The following ITGA9 variants were observed in gnomAD, a reference collection of about 807,000 sequenced individuals.
The protein encoded by ITGA9 is integrin alpha-9.
A neutral mutation model predicts 127.8 loss-of-function variants in ITGA9; 56 were observed. The ratio of observed to expected loss-of-function variants is 0.44; its 90% CI spans 0.35 to 0.55. The LOEUF is 0.55. ITGA9 is among the 20% of genes least tolerant of loss of function. ITGA9 has a pLI of 0.00. For missense variants in ITGA9, 1,196 were observed against 1,347.1 expected, an observed-to-expected ratio of 0.89 and a Z score of 1.76; for synonymous variants, 508 against 514.5, an observed-to-expected ratio of 0.99 and a Z score of 0.17.
chr3:37,584,623 C>G (rs1456903107), intron 15 of ITGA9, among the ~76,000 whole-genome samples: 1 of 152,012 alleles, frequency 6.6e-6, no homozygotes, highest in African/African-American at 2.4e-5. Context: ...GGCATGGTGG[C>G]ATGTATCTGT....
chr3:37,708,833 A>G (rs964158223), intron 18 of ITGA9, among the ~76,000 whole-genome samples: 15 of 152,222 alleles, frequency 9.9e-5, no homozygotes, highest in Non-Finnish European at 1.9e-4. Flanking sequence ...TCACTGTGCT[A>G]GTATCCCTCT....
intron 17 of ITGA9, among the ~76,000 whole-genome samples, chr3:37,667,111 G>A (rs575224473): frequency 6.6e-6 from 1 of 152,156 alleles, no homozygotes; most frequent in Non-Finnish European, 1.5e-5. Context: ...CAGGGACATG[G>A]ATGATATCTC....
chr3:37,524,355 T>G (rs1699072431), intron 12 of ITGA9, among the ~76,000 whole-genome samples: 1 of 152,256 alleles, frequency 6.6e-6, no homozygotes, highest in Non-Finnish European at 1.5e-5. Flanking sequence ...GTCATCTTGC[T>G]TTTGAGAAAT....
intron 27 of ITGA9, among the ~76,000 whole-genome samples, chr3:37,810,912 C>T (rs1385890324): frequency 6.6e-6 from 1 of 152,254 alleles, no homozygotes. Context: ...GAGCTCCAGG[C>T]TCCCTGCTGA....
intron 3 of ITGA9, among the ~76,000 whole-genome samples, chr3:37,478,398 A>T (rs1698516857): frequency 6.6e-6 from 1 of 152,256 alleles, no homozygotes; most frequent in Non-Finnish European, 1.5e-5. Context: ...TCCATACAAC[A>T]AAAAAGGCCT....
At chr3:37,632,772 A>C (rs1007208147) in intron 16 of ITGA9, among the ~76,000 whole-genome samples, 2 of 152,226 alleles carry the variant, frequency 1.3e-5, no homozygotes, top group African/African-American at 4.8e-5. Flanking sequence ...CAGACTGAGT[A>C]GTCCATTAGA....
chr3:37,803,931 C>A lies in ITGA9; in HGVS notation c.2998C>A (p.Leu1000Met). The change falls in exon 27 of 28, where the codon CTG (leucine) becomes ATG (methionine). Residue 1000 changes from leucine to methionine, a missense_variant. By Grantham distance (15) the Leu-to-Met change is conservative. Transcript: ENST00000264741. The part of the protein sequence containing the change: ...GILIFLLLAV[L>M]LWKMGFFRRR... ...CCTCATCTTCCTGCTGCTGGCCGTG[C>A]TGCTCTGGAAGGTGAGTCTGGTGAT... The A allele has an allele frequency of 6.2e-7, 1 of 1,614,154 alleles. No individual in the cohort carries two copies. The highest frequency in any genetic ancestry group is 8.5e-7 in the Non-Finnish European group (1 of 1,180,012).
At chr3:37,703,519 C>T (rs1021430345) in intron 18 of ITGA9, among the ~76,000 whole-genome samples, 14 of 152,148 alleles carry the variant, frequency 9.2e-5, no homozygotes, top group Non-Finnish European at 1.9e-4. Flanking sequence ...TATTGTGTAT[C>T]ATTCTTTAAA....
chr3:37,626,598 T>A (rs1700178132), intron 15 of ITGA9, among the ~76,000 whole-genome samples: 1 of 152,222 alleles, frequency 6.6e-6, no homozygotes, highest in African/African-American at 2.4e-5. Context: ...GCAGGAAGAT[T>A]GCTTGAGCTT....
chr3:37,802,953 C>T (rs1697251956), intron 26 of ITGA9, among the ~76,000 whole-genome samples: 1 of 152,194 alleles, frequency 6.6e-6, no homozygotes, highest in Non-Finnish European at 1.5e-5. Flanking sequence ...CTGTGGCTCC[C>T]ATGGGAAACT....
chr3:37,683,782 C>CCCACCTT, intron 17 of ITGA9, 83 bp from the exon 18 acceptor site: 1 of 1,433,294 alleles, frequency 7.0e-7, no homozygotes, highest in African/African-American at 1.4e-5. Context: ...GGTTTCTGCC[C>CCCACCTT]CCCACCTTCA....
In ITGA9 at chr3:37,630,180, T is replaced by C. The variant is rs554438221; in HGVS notation, c.1839+844T>C. ...AACTAGCAGATTGTGACCCATGCCT[T>C]GTAGATTAGAGTTGTAGACTGAACC... On this transcript the variant is annotated intron_variant, in intron 16 of 27. Transcript: ENST00000264741. 1.8e-3 allele frequency among the ~76,000 whole-genome samples: 274 copies of C among 152,170 alleles called. 1 individual carries two copies. The highest frequency in any genetic ancestry group is 3.4e-3 in the Middle Eastern group (1 of 294).
At chr3:37,809,190 AT>A (rs1454348983) in intron 27 of ITGA9, among the ~76,000 whole-genome samples, 1 of 149,870 alleles carries the variant, frequency 6.7e-6, no homozygotes, top group East Asian at 2.0e-4. Flanking sequence ...GGTTCAAGAG[AT>A]TCTCCTACCT....
chr3:37,471,728 A>G (rs192227502), intron 2 of ITGA9, among the ~76,000 whole-genome samples: 1 of 152,292 alleles, frequency 6.6e-6, no homozygotes, highest in Admixed American at 6.5e-5. Context: ...CATTTTAACT[A>G]GGGAAAGATA....
chr3:37,736,038 A>G (rs1004471175), intron 19 of ITGA9, among the ~76,000 whole-genome samples: 1 of 152,172 alleles, frequency 6.6e-6, no homozygotes, highest in South Asian at 2.1e-4. Context: ...AACCTTCTCT[A>G]TGTGTGCCCA....
At chr3:37,475,555 T>C (rs1209619203) in intron 3 of ITGA9, among the ~76,000 whole-genome samples, 2 of 152,224 alleles carry the variant, frequency 1.3e-5, no homozygotes, top group Non-Finnish European at 2.9e-5. Flanking sequence ...TTGTGGATAA[T>C]GGTGCCATGG....
chr3:37,555,633 C>T (rs1380384672), intron 15 of ITGA9, among the ~76,000 whole-genome samples: 4 of 152,244 alleles, frequency 2.6e-5, no homozygotes, highest in Non-Finnish European at 5.9e-5. Flanking sequence ...GATCAAGCCA[C>T]ACAGCCAAAT....
At chr3:37,464,138 T>C (rs59941671) in intron 1 of ITGA9, among the ~76,000 whole-genome samples, 5 of 149,398 alleles carry the variant, frequency 3.3e-5, no homozygotes, top group African/African-American at 1.3e-4. Flanking sequence ...TGTGTGTGTG[T>C]GTGTGTGTGT....
At position 37,799,365 on chromosome 3, in the gene ITGA9, C is replaced by T. The variant is rs1400333161; in HGVS notation, c.2890-4458C>T. Among the ~76,000 whole-genome samples the T allele has an allele frequency of 6.6e-6, 1 of 151,910 alleles. No individual in the cohort carries two copies. The stretch of plus-strand genomic sequence containing the variant: ...GGCTGATTTTTGTATTTTTAGTAGA[C>T]ACGAGGTTTCACCATGTTGGCCAGA... On this transcript the variant is annotated intron_variant, in intron 26 of 27. Coordinates refer to ENST00000264741, the MANE Select transcript of ITGA9 (RefSeq NM_002207.3). The surrounding 1 kb of genome is among the most constrained non-coding windows in gnomAD (Gnocchi z 4.0).
Sources: gnomAD v4.1 joint callset for allele counts (sites outside exome capture counted in the v4.1 genomes callset) on GRCh38, gnomAD v4.1.1 for gene constraint, Gnocchi (gnomAD v3.1) non-coding constraint, MANE v1.5 for transcripts, NCBI Gene and HGNC (gene_info 2026-07-23, HGNC 2026-07-21) for gene names.